Variants in RNF115 observed in about 807,000 individuals in gnomAD.
The protein encoded by RNF115 is ring finger protein 115.
RNF115 carries 31 observed loss-of-function variants against 39.2 expected under a neutral mutation model. That is an observed-to-expected ratio of 0.79 (90% CI 0.59 to 1.07). The LOEUF (loss-of-function observed/expected upper bound fraction) is 1.07. Ranked by LOEUF, RNF115 falls within the 50% of genes least tolerant of loss-of-function variation. RNF115 has a pLI of 0.00. For synonymous variants in RNF115, 124 were observed against 131.0 expected, an observed-to-expected ratio of 0.95 and a Z score of 0.37; for missense variants, 384 against 381.7, an observed-to-expected ratio of 1.01 and a Z score of -0.05.
intron 3 of RNF115, among the ~76,000 whole-genome samples, chr1:145,781,252 GT>G: frequency 6.6e-6 from 1 of 152,224 alleles, no homozygotes; most frequent in African/African-American, 2.4e-5. Context: ...ATCAGTAAAT[GT>G]TACTTATAGA....
intron 1 of RNF115, among the ~76,000 whole-genome samples, chr1:145,790,675 G>A (rs1430422855): frequency 6.6e-6 from 1 of 151,938 alleles, no homozygotes; most frequent in African/African-American, 2.4e-5. Flanking sequence ...CAGGTGATCT[G>A]CCTGCCTTGG....
intron 4 of RNF115, among the ~76,000 whole-genome samples, chr1:145,755,206 C>T (rs1658252568): frequency 6.6e-6 from 1 of 151,212 alleles, no homozygotes; most frequent in Non-Finnish European, 1.5e-5. Context: ...TGTGCCATTA[C>T]ACTCCAGCCT....
In RNF115 at chr1:145,739,579, A is replaced by AT. The variant is rs35347418; in HGVS notation, c.*7286dup. The AT allele has an allele frequency of 0.012, 1,668 of 137,470 alleles. 11 individuals carry two copies. Among genetic ancestry groups the AT allele is most frequent in the African/African-American group, 0.013 (475 of 35,578 alleles). 8.5% of individuals were successfully genotyped at this position (137,470 alleles called of 1,614,324 possible). The stretch of plus-strand genomic sequence containing the variant: ...CAGCTATTTGTCATTGGGCAAATGA[A>AT]TTTTTTTTTTTTTTTTTTGAGACGG... On this transcript the variant is annotated 3_prime_UTR_variant, in exon 9 of 9. Coordinates refer to ENST00000582693, the MANE Select transcript of RNF115 (RefSeq NM_014455.4).
rs894930263 is a variant in RNF115 at position 145,761,075 on chromosome 1, T to C, written c.429-8026A>G. Among the ~76,000 whole-genome samples the C allele has an allele frequency of 5.9e-5, 9 of 152,268 alleles. 1 individual carries two copies. The East Asian group carries it at 1.5e-3, about 26-fold the overall frequency. The stretch of plus-strand genomic sequence containing the variant: ...TGTGGAACTTTGAACTTGAGAGAGA[T>C]GATTCAGAATATCTGGTGGAAGAAA... On this transcript the variant is annotated intron_variant, in intron 4 of 8. Transcript: ENST00000582693.
At chr1:145,784,420 T>C in intron 3 of RNF115, 119 bp downstream of exon 3, 1 of 918,060 alleles carries the variant, frequency 1.1e-6, no homozygotes. Context: ...ACGGCCCACA[T>C]TTTTTCTTAT....
intron 4 of RNF115, among the ~76,000 whole-genome samples, chr1:145,756,532 G>A (rs587728541): frequency 5.4e-4 from 82 of 151,416 alleles, no homozygotes; most frequent in Admixed American, 2.6e-4. Context: ...TTAGAAAATC[G>A]GACTAAGAAG....
chr1:145,785,981 C>T (rs1189899903), intron 2 of RNF115, among the ~76,000 whole-genome samples: 1 of 152,174 alleles, frequency 6.6e-6, no homozygotes, highest in Non-Finnish European at 1.5e-5. Flanking sequence ...CATTTGATTG[C>T]TCAAGCCCAG....
Position 145,788,893 on chromosome 1 carries a change from G to C in RNF115, c.161+15C>G, listed in dbSNP as rs1553718522. The C allele has an allele frequency of 6.4e-7, 1 of 1,565,146 alleles. No homozygotes were observed. The highest frequency in any genetic ancestry group is 8.8e-7 in the Non-Finnish European group (1 of 1,139,204). ...ATAATAGAATGTCTGATTTATTCATGAGCTTGTACAATACCTGGAATCATC... is the reference window on the plus strand; with the variant it reads ...ATAATAGAATGTCTGATTTATTCATCAGCTTGTACAATACCTGGAATCATC... On this transcript the variant is annotated intron_variant, in intron 2 of 8. Coordinates refer to ENST00000582693, the MANE Select transcript of RNF115 (RefSeq NM_014455.4).
In RNF115 at chr1:145,806,689, C is replaced by T. The variant is rs191018225; in HGVS notation, c.102+17083G>A. The stretch of plus-strand genomic sequence containing the variant: ...CCCCTTTCTCTCTTGCCTTGCGGAA[C>T]ACCTGCTTCCCCTTGGCCTTCCACT... On this transcript the variant is annotated intron_variant, in intron 1 of 8. Transcript: ENST00000582693. Among the ~76,000 whole-genome samples, 166 of 152,280 alleles carry T rather than the reference C, an allele frequency of 1.1e-3. 2 individuals carry two copies. Among genetic ancestry groups the T allele is most frequent in the African/African-American group, 3.8e-3 (159 of 41,550 alleles).
intron 1 of RNF115, among the ~76,000 whole-genome samples, chr1:145,805,315 T>C (rs12119499): frequency 0.54 from 81,855 of 151,842 alleles, 23,615 homozygotes; most frequent in African/African-American, 0.74. Flanking sequence ...AGAAAACAAT[T>C]AATTAACTGA....
At chr1:145,773,868 A>G in intron 3 of RNF115, 1 of 152,016 alleles carries the variant, frequency 6.6e-6, no homozygotes. Flanking sequence ...AGGACAAAAC[A>G]GAACACAGAA....
intron 4 of RNF115, among the ~76,000 whole-genome samples, chr1:145,762,059 T>C (rs907279749): frequency 6.6e-5 from 10 of 152,234 alleles, no homozygotes; most frequent in Non-Finnish European, 7.3e-5. Flanking sequence ...GGCCAATTTC[T>C]CCCATTTGGA....
intron 2 of RNF115, chr1:145,787,125 G>A (rs781860096): frequency 6.9e-6 from 5 of 720,984 alleles, no homozygotes; most frequent in South Asian, 1.4e-5. Flanking sequence ...GTCACTCCAA[G>A]ATTAAGAGGC....
intron 6 of RNF115, 43 bp downstream of exon 6, chr1:145,751,394 CA>C: frequency 7.4e-7 from 1 of 1,351,412 alleles, no homozygotes; most frequent in Non-Finnish European, 1.0e-6. Context: ...CCTGTGGAAC[CA>C]TGAGACACAC....
At chr1:145,791,350 T>TA (rs144482903) in intron 1 of RNF115, among the ~76,000 whole-genome samples, 113,994 of 139,718 alleles carry the variant, frequency 0.82, 46,338 homozygotes, top group African/African-American at 0.86. Flanking sequence ...CATCTCTACT[T>TA]AAAAAAAAAA....
intron 3 of RNF115, among the ~76,000 whole-genome samples, chr1:145,778,841 C>T (rs182963756): frequency 6.6e-6 from 1 of 152,310 alleles, no homozygotes; most frequent in Admixed American, 6.5e-5. Context: ...ATTTCTCCAG[C>T]AAGTGGAGTT....
intron 1 of RNF115, among the ~76,000 whole-genome samples, chr1:145,822,002 TAAAC>T (rs1255028719): frequency 3.6e-4 from 53 of 148,818 alleles, no homozygotes; most frequent in African/African-American, 1.2e-3. Context: ...AAAAAAAACA[TAAAC>T]ACACAGCAAA....
At chr1:145,801,227 G>A in intron 1 of RNF115, among the ~76,000 whole-genome samples, 1 of 152,270 alleles carries the variant, frequency 6.6e-6, no homozygotes, top group East Asian at 1.9e-4. Context: ...GGTCTTTCTT[G>A]AATCCAAAAT....
rs587639623 is a variant in RNF115, at chr1:145,785,831, G to A, written c.162-1235C>T. Among the ~76,000 whole-genome samples, 4 of 152,244 alleles carry A rather than the reference G, an allele frequency of 2.6e-5. No homozygotes were observed. The South Asian group carries it at 8.3e-4, about 32-fold the overall frequency. On this transcript the variant is annotated intron_variant, in intron 2 of 8. Coordinates refer to ENST00000582693, the MANE Select transcript of RNF115 (RefSeq NM_014455.4). The stretch of plus-strand genomic sequence containing the variant: ...CCTGATAAGAAACCATTTAATACCT[G>A]CATTAATTTCAGAAAAACGCTTTTG...
Sources: allele counts gnomAD v4.1 joint callset (sites outside exome capture counted in the v4.1 genomes callset), GRCh38; gene constraint gnomAD v4.1.1; transcripts MANE v1.5; gene names NCBI Gene and HGNC (gene_info 2026-07-23, HGNC 2026-07-21).